The following CHRNA3 variants were observed in gnomAD, a reference collection of about 807,000 sequenced individuals.
The protein encoded by CHRNA3 is cholinergic receptor nicotinic alpha 3 subunit.
CHRNA3 carries 34 observed loss-of-function variants against 41.9 expected under a neutral mutation model. The ratio of observed to expected loss-of-function variants is 0.81; its 90% CI spans 0.62 to 1.08. The LOEUF is 1.08. Among genes scored for constraint, CHRNA3 ranks in the 50% least tolerant of loss-of-function variants. CHRNA3 has a pLI of 0.00. For missense variants in CHRNA3, 542 were observed against 638.3 expected, an observed-to-expected ratio of 0.85 and a Z score of 1.63; for synonymous variants, 281 against 265.2, an observed-to-expected ratio of 1.06 and a Z score of -0.58.
chr15:78,606,872 G>C (rs1057409002), intron 4 of CHRNA3, among the ~76,000 whole-genome samples: 2 of 151,760 alleles, frequency 1.3e-5, no homozygotes, highest in Non-Finnish European at 2.9e-5. Context: ...ACGAGAGTCT[G>C]TCTCAAAAAA....
chr15:78,614,841 T>C (rs762785198), intron 4 of CHRNA3, among the ~76,000 whole-genome samples: 1 of 152,222 alleles, frequency 6.6e-6, no homozygotes, highest in Non-Finnish European at 1.5e-5. Context: ...GTCAGTCCAA[T>C]GAAAGAGCTT....
At position 78,595,649 on chromosome 15, in the gene CHRNA3, T is replaced by C. The variant is rs71581745; in HGVS notation, c.*955A>G. 5,177 of 153,232 alleles carry C rather than the reference T, an allele frequency of 0.034. 299 individuals are homozygous for C. Among genetic ancestry groups the C allele is most frequent in the African/African-American group, 0.12 (4,848 of 41,526 alleles). The allele number at this position is 153,232 out of a possible 1,614,324, so 9.5% of individuals were successfully genotyped here. ...ACACATATTTATCCAGCCCAAAATG[T>C]CCATAGTGCTAAGGCTGAGAAACCC... On this transcript the variant is annotated 3_prime_UTR_variant, in exon 6 of 6. Transcript: ENST00000326828.
Position 78,595,484 on chromosome 15 carries a change from TAA to T in CHRNA3, c.*1118_*1119del. On this transcript the variant is annotated 3_prime_UTR_variant, in exon 6 of 6. Coordinates refer to ENST00000326828, the MANE Select transcript of CHRNA3 (RefSeq NM_000743.5). The stretch of plus-strand genomic sequence containing the variant: ...TCTCAACCAGGGGCAATTTTGCTCC[TAA>T]GGGAACATTTAACAATGGAGACATT... 1.2e-6 allele frequency: 1 copy of T among 849,018 alleles called. No homozygotes were observed. The highest frequency in any genetic ancestry group is 1.4e-6 in the Non-Finnish European group (1 of 705,824). The allele number at this position is 849,018 out of a possible 1,614,324, so 52.6% of individuals were successfully genotyped here. A position where few individuals can be genotyped will look rare whatever the true frequency, so the allele number is the denominator to read the frequency against.
chr15:78,607,982 G>C (rs2053321228), intron 4 of CHRNA3, among the ~76,000 whole-genome samples: 1 of 152,242 alleles, frequency 6.6e-6, no homozygotes, highest in South Asian at 2.1e-4. Context: ...TAGCACAGCA[G>C]TCTGAGATCA....
At chr15:78,612,179 C>T (rs2141338816) in intron 4 of CHRNA3, among the ~76,000 whole-genome samples, 1 of 152,134 alleles carries the variant, frequency 6.6e-6, no homozygotes, top group Admixed American at 6.5e-5. Context: ...CCCCATCAAG[C>T]CACCAATGAC....
chr15:78,601,439 C>G lies in CHRNA3; in HGVS notation c.1203G>C (p.Met401Ile), dbSNP rs781674102. 1 of 1,614,156 alleles carries G rather than the reference C, an allele frequency of 6.2e-7. No individual in the cohort carries two copies. The highest frequency in any genetic ancestry group is 8.5e-7 in the Non-Finnish European group (1 of 1,180,034). The change falls in exon 5 of 6, where the codon ATG becomes ATC. Residue 401 changes from methionine to isoleucine, a missense_variant. Coordinates refer to ENST00000326828, the MANE Select transcript of CHRNA3 (RefSeq NM_000743.5). ...TCCTGCGGTGGTGGCAGTAACCACA[C>G]ATCCCGTCCTGGCAGGGGTAGCCCT... Reference protein sequence around the residue: ...CKEGYPCQDGMCGYCHHRRIK... With the variant: ...CKEGYPCQDGICGYCHHRRIK...
chr15:78,600,918 G>A (rs1444303916), intron 5 of CHRNA3, among the ~76,000 whole-genome samples: 1 of 152,064 alleles, frequency 6.6e-6, no homozygotes. Context: ...AATACTAACT[G>A]GAGATCATCT....
chr15:78,600,232 G>A (rs1181996560), intron 5 of CHRNA3, among the ~76,000 whole-genome samples: 3 of 151,936 alleles, frequency 2.0e-5, no homozygotes, highest in Non-Finnish European at 2.9e-5. Context: ...GTGCCACCAC[G>A]CCTGGCTAAT....
intron 5 of CHRNA3, among the ~76,000 whole-genome samples, chr15:78,597,629 T>C (rs569905537): frequency 6.6e-6 from 1 of 152,170 alleles, no homozygotes; most frequent in East Asian, 1.9e-4. Flanking sequence ...ACATCAGAAA[T>C]AATTGCTGAC....
chr15:78,612,487 A>C (rs1199820361), intron 4 of CHRNA3, among the ~76,000 whole-genome samples: 1 of 108,244 alleles, frequency 9.2e-6, no homozygotes, highest in African/African-American at 4.2e-5. Context: ...CTATTTAATA[A>C]ATGGTGCTGG....
chr15:78,617,656 A>C (rs1482964344), intron 3 of CHRNA3, among the ~76,000 whole-genome samples: 1 of 152,134 alleles, frequency 6.6e-6, no homozygotes, highest in Non-Finnish European at 1.5e-5. Flanking sequence ...TGAGCACCAG[A>C]GGAGAGAGGG....
chr15:78,597,953 G>T lies in CHRNA3; in HGVS notation c.1390-1221C>A, dbSNP rs139946514. Among the ~76,000 whole-genome samples, 38 of 152,292 alleles carry T rather than the reference G, an allele frequency of 2.5e-4. 1 individual carries two copies. In the East Asian group the frequency reaches 6.8e-3, roughly 27 times the overall value. On this transcript the variant is annotated intron_variant, in intron 5 of 5. Coordinates refer to ENST00000326828, the MANE Select transcript of CHRNA3 (RefSeq NM_000743.5). ...CTGTCATAGGTAAAATTAGAATTAT[G>T]ATGCCATATTTGCCATGAGGTACTT...
At chr15:78,616,082 G>C (rs1022115919) in intron 4 of CHRNA3, among the ~76,000 whole-genome samples, 3 of 1,664 alleles carry the variant, frequency 1.8e-3, no homozygotes, top group Non-Finnish European at 3.5e-3. Flanking sequence ...GGCTGGGCAT[G>C]GTGGCTCATG....
downstream of CHRNA3, chr15:78,595,294 T>C (rs2053084627): frequency 1.0e-6 from 1 of 985,376 alleles, no homozygotes; most frequent in Non-Finnish European, 1.2e-6. Flanking sequence ...TATTGAAACA[T>C]GAGTCACAGC....
chr15:78,614,564 C>G (rs1400288702), intron 4 of CHRNA3, among the ~76,000 whole-genome samples: 5 of 152,182 alleles, frequency 3.3e-5, no homozygotes, highest in African/African-American at 1.2e-4. Flanking sequence ...CATAGCTTCT[C>G]TAGTCCTGAC....
At chr15:78,611,204 C>T (rs548322168) in intron 4 of CHRNA3, among the ~76,000 whole-genome samples, 1 of 152,274 alleles carries the variant, frequency 6.6e-6, no homozygotes, top group East Asian at 1.9e-4. Flanking sequence ...AGAGGGAATC[C>T]TCCCTAACTC....
In CHRNA3 at chr15:78,596,019, AGTTAT is replaced by A. The variant is rs1217990962; in HGVS notation, c.*580_*584del. On this transcript the variant is annotated 3_prime_UTR_variant, in exon 6 of 6. Transcript: ENST00000326828. The stretch of plus-strand genomic sequence containing the variant: ...CACCCAGTTTATGGTGTACTAAGAC[AGTTAT>A]ATTAACAATGAATAACTAGGCATGA... 1.0e-6 allele frequency: 1 copy of A among 961,040 alleles called. No homozygotes were observed. The highest frequency in any genetic ancestry group is 1.2e-6 in the Non-Finnish European group (1 of 808,190). The allele number at this position is 961,040 out of a possible 1,614,324, so 59.5% of individuals were successfully genotyped here.
At chr15:78,606,831 G>A (rs190895515) in intron 4 of CHRNA3, among the ~76,000 whole-genome samples, 34 of 152,118 alleles carry the variant, frequency 2.2e-4, no homozygotes, top group Non-Finnish European at 4.0e-4. Context: ...CCTGGGAGGC[G>A]GAGCTTGTAG....
intron 4 of CHRNA3, among the ~76,000 whole-genome samples, chr15:78,605,852 A>G (rs1430902614): frequency 1.3e-5 from 2 of 152,176 alleles, no homozygotes; most frequent in Non-Finnish European, 1.5e-5. Flanking sequence ...CTGTGCGGTC[A>G]TGTCATGACT....
Sources: allele counts gnomAD v4.1 joint callset (sites outside exome capture counted in the v4.1 genomes callset), GRCh38; gene constraint gnomAD v4.1.1; transcripts MANE v1.5; gene names NCBI Gene and HGNC (gene_info 2026-07-23, HGNC 2026-07-21).